Variants in RASSF9 observed in about 807,000 individuals in gnomAD.
The protein encoded by RASSF9 is ras association domain-containing protein 9.
In RASSF9, 18 loss-of-function variants were observed where a neutral mutation model predicts 21.4. The observed-to-expected ratio is 0.84, with a 90% confidence interval of 0.58 to 1.25. The LOEUF is 1.25. RASSF9 is among the 50% of genes most tolerant of loss of function. The pLI, the probability that RASSF9 is intolerant of heterozygous loss-of-function variation, is 0.00. For synonymous variants in RASSF9, 183 were observed against 179.1 expected (o/e 1.02, Z -0.18); for missense variants, 480 against 503.2 (o/e 0.95, Z 0.44).
chr12:85,823,396 G>C (rs537356737), intron 1 of RASSF9, among the ~76,000 whole-genome samples: 24 of 152,022 alleles, frequency 1.6e-4, no homozygotes, highest in Admixed American at 1.1e-3. Context: ...TGACTGTTAC[G>C]ATGCCATTCT....
intron 1 of RASSF9, among the ~76,000 whole-genome samples, chr12:85,833,945 T>C (rs779802652): frequency 3.9e-5 from 6 of 152,046 alleles, no homozygotes; most frequent in African/African-American, 1.4e-4. Flanking sequence ...CTTTAGAATG[T>C]GGTTATTCAA....
intron 1 of RASSF9, among the ~76,000 whole-genome samples, chr12:85,834,596 C>T (rs1431429690): frequency 1.3e-5 from 2 of 151,824 alleles, no homozygotes; most frequent in African/African-American, 2.4e-5. Flanking sequence ...ATTGCTAAAG[C>T]AAAACAAAAA....
Position 85,805,591 on chromosome 12 carries a change from A to C in RASSF9, c.419T>G (p.Leu140Trp). Residue 140 changes from leucine (L) to tryptophan (W), a missense_variant, in exon 2 of 2, where the codon TTG becomes TGG. By Grantham distance (61) the Leu-to-Trp change is moderately conservative. Transcript: ENST00000361228. Reference sequence around the variant, plus strand: ...GTAGTTTGCTGGGCTGAGCTCCCACAATTTTTCTGTGTTTTGCACTAATTT... The same window carrying C: ...GTAGTTTGCTGGGCTGAGCTCCCACCATTTTTCTGTGTTTTGCACTAATTT... ...EAKLVQNTEK[L>W]WELSPANYMK... is the part of the protein sequence containing the mutation. 1 of 1,613,856 alleles carries C rather than the reference A, an allele frequency of 6.2e-7. No individual in the cohort carries two copies. The highest frequency in any genetic ancestry group is 8.5e-7 in the Non-Finnish European group (1 of 1,179,868).
At chr12:85,829,427 T>C (rs370643694) in intron 1 of RASSF9, among the ~76,000 whole-genome samples, 3 of 152,190 alleles carry the variant, frequency 2.0e-5, no homozygotes, top group South Asian at 2.1e-4. Context: ...GACAATGTTA[T>C]ATAAATACAC....
At chr12:85,817,160 C>A (rs1182335360) in intron 1 of RASSF9, among the ~76,000 whole-genome samples, 1 of 152,026 alleles carries the variant, frequency 6.6e-6, no homozygotes, top group Non-Finnish European at 1.5e-5. Context: ...TAAATTTAAT[C>A]CCTGTTCCAG....
chr12:85,830,776 T>G (rs939470533), intron 1 of RASSF9, among the ~76,000 whole-genome samples: 4 of 152,162 alleles, frequency 2.6e-5, no homozygotes, highest in African/African-American at 9.6e-5. Flanking sequence ...TGTACTTGTA[T>G]GATCATTTAT....
At chr12:85,806,049 T>C in intron 1 of RASSF9, 87 bp from the exon 2 acceptor site, 1 of 1,404,044 alleles carries the variant, frequency 7.1e-7, no homozygotes. Context: ...GCTTTCTAGA[T>C]TTTTACCCTT....
intron 1 of RASSF9, among the ~76,000 whole-genome samples, chr12:85,816,867 A>G (rs1367171137): frequency 6.6e-6 from 1 of 152,162 alleles, no homozygotes; most frequent in Non-Finnish European, 1.5e-5. Context: ...ATGGAGAATG[A>G]GGTCCAGCCT....
At chr12:85,835,607 G>GTGTT (rs143233078) in intron 1 of RASSF9, among the ~76,000 whole-genome samples, 4,416 of 152,198 alleles carry the variant, frequency 0.029, 233 homozygotes, top group African/African-American at 0.1. Flanking sequence ...TCTCTCCAGA[G>GTGTT]TGTTTCCACT....
intron 1 of RASSF9, among the ~76,000 whole-genome samples, chr12:85,823,266 T>A (rs2136559972): frequency 6.6e-6 from 1 of 152,020 alleles, no homozygotes; most frequent in African/African-American, 2.4e-5. Flanking sequence ...CTTCTTAGGG[T>A]TATCAGAAAT....
Position 85,836,333 on chromosome 12 carries a change from A to G in RASSF9, c.-132T>C, listed in dbSNP as rs991556215. The G allele has an allele frequency of 2.5e-5, 37 of 1,508,110 alleles. No individual in the cohort carries two copies. In the Admixed American group the frequency reaches 2.7e-4, roughly 11 times the overall value. 93.4% of individuals were successfully genotyped at this position (1,508,110 alleles called of 1,614,324 possible). ...TTCTCCTCGGATGTTCCTGGCTTTC[A>G]GCTCATTAGTAGCCGGCTGAGAAAG... On this transcript the variant is annotated 5_prime_UTR_variant, in exon 1 of 2. It removes the in-frame stop codon of an upstream open reading frame in the 5' UTR. Transcript: ENST00000361228.
At chr12:85,833,915 A>G (rs1880506842) in intron 1 of RASSF9, among the ~76,000 whole-genome samples, 1 of 152,032 alleles carries the variant, frequency 6.6e-6, no homozygotes, top group Non-Finnish European at 1.5e-5. Context: ...TCATTTAAGA[A>G]AAGATATTTT....
rs1164914793 is a variant in RASSF9, at chr12:85,801,994, A to G, written c.*2708T>C. The G allele has an allele frequency of 6.6e-6, 1 of 152,250 alleles. No homozygotes were observed. The allele number at this position is 152,250 out of a possible 1,614,324, so 9.4% of individuals were successfully genotyped here. A position where few individuals can be genotyped will look rare whatever the true frequency, so the allele number is the denominator to read the frequency against. ...ACGTATATCATAGAAGAGCTAGCAC[A>G]TTAAAAAGACTGTGGAAAGGGTAAG... On this transcript the variant is annotated 3_prime_UTR_variant, in exon 2 of 2. Transcript: ENST00000361228.
At chr12:85,810,786 T>G (rs1162007754) in intron 1 of RASSF9, among the ~76,000 whole-genome samples, 1 of 151,954 alleles carries the variant, frequency 6.6e-6, no homozygotes, top group East Asian at 1.9e-4. Context: ...TAATACCATG[T>G]AACAAACAGT....
At chr12:85,809,973 G>A (rs926880470) in intron 1 of RASSF9, among the ~76,000 whole-genome samples, 3 of 151,824 alleles carry the variant, frequency 2.0e-5, no homozygotes, top group African/African-American at 7.3e-5. Context: ...TGCCCCGAAT[G>A]TCCTTCTATT....
chr12:85,822,676 A>G (rs142165170), intron 1 of RASSF9, among the ~76,000 whole-genome samples: 2,233 of 152,210 alleles, frequency 0.015, 23 homozygotes, highest in Middle Eastern at 0.034. Flanking sequence ...ATATGCTTTG[A>G]ATTTTACTGT....
At chr12:85,816,820 A>T (rs1880078377) in intron 1 of RASSF9, among the ~76,000 whole-genome samples, 1 of 152,170 alleles carries the variant, frequency 6.6e-6, no homozygotes, top group African/African-American at 2.4e-5. Context: ...AATCCTTTCT[A>T]GATAGAACAT....
intron 1 of RASSF9, among the ~76,000 whole-genome samples, chr12:85,828,826 G>T (rs538855577): frequency 1.1e-4 from 16 of 152,140 alleles, no homozygotes; most frequent in East Asian, 1.9e-4. Context: ...ATTCTACTAT[G>T]GCCTTTTAAG....
intron 1 of RASSF9, among the ~76,000 whole-genome samples, chr12:85,814,688 T>C (rs1319000357): frequency 6.6e-6 from 1 of 151,734 alleles, no homozygotes; most frequent in Non-Finnish European, 1.5e-5. Context: ...TTTCATCCCA[T>C]CATCAACCTT....
Sources: gnomAD v4.1 joint callset for allele counts (sites outside exome capture counted in the v4.1 genomes callset) on GRCh38, gnomAD v4.1.1 for gene constraint, MANE v1.5 for transcripts, NCBI Gene and HGNC (gene_info 2026-07-23, HGNC 2026-07-21) for gene names.